The following EEPD1 variants were observed in gnomAD, a reference collection of about 807,000 sequenced individuals.
EEPD1 encodes endonuclease/exonuclease/phosphatase family domain containing 1.
EEPD1 carries 17 observed loss-of-function variants against 46.3 expected under a neutral mutation model. The ratio of observed to expected loss-of-function variants is 0.37; its 90% confidence interval spans 0.25 to 0.55. The LOEUF (loss-of-function observed/expected upper bound fraction) is 0.55. EEPD1 is among the 20% of genes least tolerant of loss of function. The pLI, the probability that EEPD1 is intolerant of heterozygous loss-of-function variation, is 0.83. For synonymous variants in EEPD1, 313 were observed against 315.6 expected, an observed-to-expected ratio of 0.99 and a Z score of 0.09; for missense variants, 673 against 745.6, an observed-to-expected ratio of 0.90 and a Z score of 1.13.
At chr7:36,203,894 G>A (rs192506337) in intron 2 of EEPD1, among the ~76,000 whole-genome samples, 8 of 151,826 alleles carry the variant, frequency 5.3e-5, no homozygotes, top group Non-Finnish European at 8.8e-5. Flanking sequence ...TCTAGCTCCG[G>A]TGCTCATGAA....
At chr7:36,228,169 C>T (rs982261432) in intron 2 of EEPD1, among the ~76,000 whole-genome samples, 1 of 152,184 alleles carries the variant, frequency 6.6e-6, no homozygotes. Context: ...CGTGTTCAGA[C>T]ATCTGGATTG....
chr7:36,280,121 A>C (rs535044114), intron 3 of EEPD1, among the ~76,000 whole-genome samples: 1 of 152,296 alleles, frequency 6.6e-6, no homozygotes, highest in Admixed American at 6.5e-5. Context: ...GGAAGGAATA[A>C]TGTGTTCCCT....
intron 2 of EEPD1, among the ~76,000 whole-genome samples, chr7:36,207,861 C>T (rs1785849325): frequency 6.8e-6 from 1 of 148,096 alleles, no homozygotes; most frequent in Admixed American, 6.7e-5. Context: ...GGTGAACTGG[C>T]TGCTTGTCTG....
intron 6 of EEPD1, 59 bp from the exon 7 acceptor site, chr7:36,296,934 C>A: frequency 6.4e-7 from 1 of 1,560,966 alleles, no homozygotes; most frequent in Non-Finnish European, 8.8e-7. Context: ...GGGCCACGGT[C>A]AGTGTTGGGT....
intron 3 of EEPD1, among the ~76,000 whole-genome samples, chr7:36,252,582 C>A (rs952965557): frequency 2.0e-5 from 3 of 151,982 alleles, no homozygotes; most frequent in Non-Finnish European, 4.4e-5. Context: ...TAGCTTATAT[C>A]AGAATAACCT....
chr7:36,294,286 A>G (rs1007789068), intron 6 of EEPD1, among the ~76,000 whole-genome samples: 1 of 152,242 alleles, frequency 6.6e-6, no homozygotes, highest in Non-Finnish European at 1.5e-5. Context: ...TAAAACATCT[A>G]GTACTCACTC....
intron 2 of EEPD1, among the ~76,000 whole-genome samples, chr7:36,231,613 G>A (rs1786330326): frequency 6.6e-6 from 1 of 152,198 alleles, no homozygotes; most frequent in African/African-American, 2.4e-5. Flanking sequence ...ACCCCTGCGG[G>A]CCCTTGTGGA....
intron 3 of EEPD1, among the ~76,000 whole-genome samples, chr7:36,267,328 G>C (rs1369406728): frequency 1.3e-5 from 2 of 152,106 alleles, no homozygotes; most frequent in South Asian, 4.1e-4. Context: ...GGGGGCCCCT[G>C]CATGGCCAGG....
chr7:36,201,346 A>T lies in EEPD1; in HGVS notation c.879-37639A>T, dbSNP rs80182876. Reference sequence around the variant, plus strand: ...CACCATTAGGTTCCTGATTTTGATAATGTACTATGTTTTGTAGGAGGTTAA... The same window carrying T: ...CACCATTAGGTTCCTGATTTTGATATTGTACTATGTTTTGTAGGAGGTTAA... On this transcript the variant is annotated intron_variant, in intron 2 of 7. Coordinates refer to ENST00000242108, the MANE Select transcript of EEPD1 (RefSeq NM_030636.3). 6.0e-4 allele frequency among the ~76,000 whole-genome samples: 91 copies of T among 152,302 alleles called. 1 individual carries two copies. In the East Asian group the frequency reaches 0.013, roughly 22 times the overall value.
chr7:36,280,067 G>A (rs17274649), intron 3 of EEPD1, among the ~76,000 whole-genome samples: 25,102 of 152,166 alleles, frequency 0.16, 2,166 homozygotes, highest in Middle Eastern at 0.28. Context: ...TTCGAGCAGC[G>A]GGAAGGATGG....
intron 3 of EEPD1, among the ~76,000 whole-genome samples, chr7:36,274,325 A>T (rs974838665): frequency 3.9e-5 from 6 of 152,228 alleles, no homozygotes; most frequent in Non-Finnish European, 2.9e-5. Flanking sequence ...ACTAAGAACC[A>T]TGAAGTCCCT....
At position 36,257,306 on chromosome 7, in the gene EEPD1, C is replaced by T. The variant is rs187905606; in HGVS notation, c.930+18270C>T. Among the ~76,000 whole-genome samples the T allele has an allele frequency of 2.6e-3, 382 of 148,100 alleles. 1 individual carries two copies. Among genetic ancestry groups the T allele is most frequent in the African/African-American group, 8.9e-3 (356 of 40,142 alleles). On this transcript the variant is annotated intron_variant, in intron 3 of 7. Coordinates refer to ENST00000242108, the MANE Select transcript of EEPD1 (RefSeq NM_030636.3). The stretch of plus-strand genomic sequence containing the variant: ...ATCTGATGATTATGTGTCTCGGGGT[C>T]GCTCTTCTCAAGGAGTATCTTTGTG...
At chr7:36,284,438 C>T (rs1022323373) in intron 4 of EEPD1, among the ~76,000 whole-genome samples, 1 of 152,196 alleles carries the variant, frequency 6.6e-6, no homozygotes, top group Non-Finnish European at 1.5e-5. Flanking sequence ...CCACCTCCCC[C>T]CAAAGACAGA....
chr7:36,257,288 G>T (rs2115822570), intron 3 of EEPD1, among the ~76,000 whole-genome samples: 1 of 151,992 alleles, frequency 6.6e-6, no homozygotes, highest in South Asian at 2.1e-4. Flanking sequence ...TGAATCTGAT[G>T]ATTATGTGTC....
At chr7:36,243,291 A>T (rs1786585941) in intron 3 of EEPD1, among the ~76,000 whole-genome samples, 1 of 130,508 alleles carries the variant, frequency 7.7e-6, no homozygotes, top group Admixed American at 8.9e-5. Context: ...TTTGACTTTT[A>T]TGGCCAATTA....
chr7:36,284,641 C>T (rs752797063), intron 4 of EEPD1, 45 bp from the exon 5 acceptor site: 22 of 1,589,574 alleles, frequency 1.4e-5, no homozygotes, highest in Admixed American at 5.2e-5. Context: ...CCCCAGGTGG[C>T]GCTAGGGCTC....
intron 3 of EEPD1, among the ~76,000 whole-genome samples, chr7:36,261,783 T>A (rs1051685614): frequency 6.6e-6 from 1 of 152,222 alleles, no homozygotes; most frequent in African/African-American, 2.4e-5. Context: ...GCAGATAAAA[T>A]TATCCTGATT....
chr7:36,300,452 T>G lies in EEPD1; in HGVS notation c.*1246T>G, dbSNP rs1408054432. 6.6e-6 allele frequency: 1 copy of G among 152,266 alleles called. No individual in the cohort carries two copies. The highest frequency in any genetic ancestry group is 1.5e-5 in the Non-Finnish European group (1 of 68,052). 9.4% of individuals were successfully genotyped at this position (152,266 alleles called of 1,614,324 possible). A position where few individuals can be genotyped will look rare whatever the true frequency, so the allele number is the denominator to read the frequency against. ...TAAATAGAGGGATGCAGACTCAGGT[T>G]TTGCTATGTGCTCACATTTCAACTT... On this transcript the variant is annotated 3_prime_UTR_variant, in exon 8 of 8. Transcript: ENST00000242108.
intron 2 of EEPD1, among the ~76,000 whole-genome samples, chr7:36,165,976 C>T (rs1026236983): frequency 6.6e-6 from 1 of 152,150 alleles, no homozygotes; most frequent in African/African-American, 2.4e-5. Context: ...ATGAACTGCT[C>T]GGAGAACCGA....
Sources: allele counts gnomAD v4.1 joint callset (sites outside exome capture counted in the v4.1 genomes callset), GRCh38; gene constraint gnomAD v4.1.1; transcripts MANE v1.5; gene names NCBI Gene and HGNC (gene_info 2026-07-23, HGNC 2026-07-21).